Variants in NLGN1 observed in about 807,000 individuals in gnomAD.
The protein encoded by NLGN1 is neuroligin 1, also known as neuroligin-1.
A neutral mutation model predicts 65.5 loss-of-function variants in NLGN1; 12 were observed. The ratio of observed to expected loss-of-function variants is 0.18; its 90% CI spans 0.12 to 0.30. NLGN1 has a LOEUF of 0.30. NLGN1 is among the 10% of genes least tolerant of loss of function. NLGN1 has a pLI of 1.00. For synonymous variants in NLGN1, 350 were observed against 359.5 expected (o/e 0.97, Z 0.30); for missense variants, 750 against 1,007.1 (o/e 0.74, Z 3.46).
intron 4 of NLGN1, among the ~76,000 whole-genome samples, chr3:173,892,587 A>C (rs1483238108): frequency 1.3e-5 from 2 of 151,864 alleles, no homozygotes; most frequent in Non-Finnish European, 2.9e-5. Context: ...AAAAAAAAAA[A>C]AAAATGACAG....
chr3:173,558,006 A>G (rs1204443644), intron 2 of NLGN1, among the ~76,000 whole-genome samples: 2 of 151,944 alleles, frequency 1.3e-5, no homozygotes, highest in Non-Finnish European at 2.9e-5. Context: ...TTTGCTGTCT[A>G]TACAATTTTG....
At chr3:174,001,609 C>A (rs755422739) in intron 4 of NLGN1, among the ~76,000 whole-genome samples, 1 of 152,128 alleles carries the variant, frequency 6.6e-6, no homozygotes, top group Non-Finnish European at 1.5e-5. Context: ...ATATTCTGCA[C>A]CCATGCATCT....
intron 4 of NLGN1, among the ~76,000 whole-genome samples, chr3:174,255,799 C>A (rs1480540852): frequency 6.6e-6 from 1 of 151,882 alleles, no homozygotes; most frequent in Non-Finnish European, 1.5e-5. Flanking sequence ...GCTGGAACTA[C>A]AATCATGTAC....
chr3:174,102,835 TG>T (rs72006695), intron 4 of NLGN1, among the ~76,000 whole-genome samples: 11,162 of 152,056 alleles, frequency 0.073, 465 homozygotes, highest in African/African-American at 0.096. Flanking sequence ...CCAGGAGAAG[TG>T]GGGGAAGAAT....
intron 3 of NLGN1, among the ~76,000 whole-genome samples, chr3:173,675,345 G>T (rs542325395): frequency 1.3e-5 from 2 of 151,864 alleles, no homozygotes; most frequent in South Asian, 4.2e-4. Flanking sequence ...ATTTCATTGC[G>T]CATATATCTC....
chr3:173,469,580 G>C (rs577656804), intron 2 of NLGN1, among the ~76,000 whole-genome samples: 9 of 152,004 alleles, frequency 5.9e-5, no homozygotes, highest in Non-Finnish European at 1.3e-4. Flanking sequence ...TGACATTTGG[G>C]TGATGCCTAG....
chr3:173,550,873 G>A (rs922604464), intron 2 of NLGN1, among the ~76,000 whole-genome samples: 4 of 151,996 alleles, frequency 2.6e-5, no homozygotes, highest in African/African-American at 4.8e-5. Context: ...TTCACTTTTC[G>A]CTACATTGTA....
intron 3 of NLGN1, among the ~76,000 whole-genome samples, chr3:173,704,720 T>A (rs991157384): frequency 1.2e-4 from 19 of 152,314 alleles, no homozygotes; most frequent in African/African-American, 4.3e-4. Context: ...TAAAAATGAT[T>A]GTCATTTATA....
chr3:173,527,635 G>C (rs1356796052), intron 2 of NLGN1, among the ~76,000 whole-genome samples: 1 of 152,188 alleles, frequency 6.6e-6, no homozygotes, highest in Non-Finnish European at 1.5e-5. Context: ...CTGACCTCGT[G>C]ATCTGCCCGC....
chr3:173,825,399 A>G (rs1721139422), intron 4 of NLGN1, among the ~76,000 whole-genome samples: 1 of 152,060 alleles, frequency 6.6e-6, no homozygotes, highest in South Asian at 2.1e-4. Flanking sequence ...TGATAAGAGA[A>G]TATGCCATTT....
intron 4 of NLGN1, among the ~76,000 whole-genome samples, chr3:173,939,166 A>C (rs1003224037): frequency 1.3e-5 from 2 of 152,202 alleles, no homozygotes. Flanking sequence ...ATGCTTCCAG[A>C]AATATGTAAT....
intron 4 of NLGN1, among the ~76,000 whole-genome samples, chr3:174,076,886 G>A (rs1478667354): frequency 1.3e-5 from 2 of 152,066 alleles, no homozygotes; most frequent in Admixed American, 1.3e-4. Context: ...AAGGGTTAAA[G>A]AGTATCACCA....
chr3:174,080,224 A>G (rs548731676), intron 4 of NLGN1, among the ~76,000 whole-genome samples: 3 of 152,204 alleles, frequency 2.0e-5, no homozygotes, highest in African/African-American at 7.2e-5. Context: ...GAATAAATTA[A>G]CCCTTTCCTA....
chr3:174,023,564 T>C (rs988184080), intron 4 of NLGN1, among the ~76,000 whole-genome samples: 6 of 152,104 alleles, frequency 3.9e-5, no homozygotes, highest in African/African-American at 1.4e-4. Context: ...CATCTCAGTG[T>C]GGGGAGGCAC....
At chr3:173,505,734 CCTAA>C (rs1463056021) in intron 2 of NLGN1, among the ~76,000 whole-genome samples, 5 of 152,062 alleles carry the variant, frequency 3.3e-5, no homozygotes, top group Admixed American at 1.3e-4. Flanking sequence ...TTCTTGTTAT[CCTAA>C]CTGTCATTGG....
intron 3 of NLGN1, among the ~76,000 whole-genome samples, chr3:173,678,941 A>G (rs1199057476): frequency 6.6e-6 from 1 of 152,042 alleles, no homozygotes; most frequent in Non-Finnish European, 1.5e-5. Context: ...ATCTGTAATA[A>G]TTGGTTGGTT....
intron 4 of NLGN1, among the ~76,000 whole-genome samples, chr3:174,181,804 CACAT>C (rs1472021895): frequency 6.7e-6 from 1 of 150,356 alleles, no homozygotes; most frequent in East Asian, 2.0e-4. Flanking sequence ...CACACACACA[CACAT>C]ATGTATGTAC....
rs1553844364 is a variant in NLGN1, at chr3:173,415,943, A to AGC, written c.-390+17457_-390+17458dup. On this transcript the variant is annotated intron_variant, in intron 1 of 6. Coordinates refer to ENST00000457714, the Ensembl canonical transcript of NLGN1. ...GGGAGAGAGAGAGAGAGAGAGAGAG[A>AGC]GCTTGGTATAGAGCCTAACACACAA... Among the ~76,000 whole-genome samples, 629 of 142,744 alleles carry AGC rather than the reference A, an allele frequency of 4.4e-3. 6 individuals are homozygous for AGC. The highest frequency in any genetic ancestry group is 0.016 in the African/African-American group (583 of 35,720). 93.6% of individuals were successfully genotyped at this position (142,744 alleles called of 152,430 possible). A position where few individuals can be genotyped will look rare whatever the true frequency, so the allele number is the denominator to read the frequency against.
chr3:173,872,568 T>A (rs1421706326), intron 4 of NLGN1, among the ~76,000 whole-genome samples: 1 of 152,180 alleles, frequency 6.6e-6, no homozygotes, highest in Non-Finnish European at 1.5e-5. Context: ...TCTTTGTGCA[T>A]GCAAATGCCC....
Sources: gnomAD v4.1 joint callset for allele counts (sites outside exome capture counted in the v4.1 genomes callset) on GRCh38, gnomAD v4.1.1 for gene constraint, MANE v1.5 for transcripts, NCBI Gene and HGNC (gene_info 2026-07-23, HGNC 2026-07-21) for gene names.